ABRAXAS1: variants seen among roughly 807,000 people sequenced by gnomAD.
ABRAXAS1 encodes the protein BRCA1-A complex subunit Abraxas 1.
In ABRAXAS1, 26 loss-of-function variants were observed where a neutral mutation model predicts 38.4. That is an observed-to-expected ratio of 0.68 (90% CI 0.50 to 0.94). The LOEUF is 0.94. Ranked by LOEUF, ABRAXAS1 falls within the 40% of genes least tolerant of loss-of-function variation. The pLI, the probability that ABRAXAS1 is intolerant of heterozygous loss-of-function variation, is 0.00. For missense variants in ABRAXAS1, 438 were observed against 481.9 expected, an observed-to-expected ratio of 0.91 and a Z score of 0.85; for synonymous variants, 144 against 165.5, an observed-to-expected ratio of 0.87 and a Z score of 1.00.
chr4:83,459,890 G>A lies in ABRAXAS1; in HGVS notation c.*2579C>T. The stretch of plus-strand genomic sequence containing the variant: ...AAGAAAACTCAAATTTTCAAATTGT[G>A]CTATAAATTACTACTAGATCAGATA... On this transcript the variant is annotated 3_prime_UTR_variant, in exon 9 of 9. Transcript: ENST00000321945. The A allele has an allele frequency of 9.1e-7, 1 of 1,099,102 alleles. No individual in the cohort carries two copies. The allele number at this position is 1,099,102 out of a possible 1,614,324, so 68.1% of individuals were successfully genotyped here.
chr4:83,462,913 T>C lies in ABRAXAS1; in HGVS notation c.797-11A>G, dbSNP rs776370144. On this transcript the variant is annotated splice_polypyrimidine_tract_variant and intron_variant, in intron 8 of 8. Transcript: ENST00000321945. ...GGATGTTCTTCTCTCCTAAACAAAA[T>C]AGAATAACAGTTCAACATATAACAT... 5.9e-6 allele frequency: 9 copies of C among 1,516,072 alleles called. No homozygotes were observed. Among genetic ancestry groups the C allele is most frequent in the Middle Eastern group, 1.8e-4 (1 of 5,668 alleles). The allele number at this position is 1,516,072 out of a possible 1,614,324, so 93.9% of individuals were successfully genotyped here.
chr4:83,479,433 A>G (rs1722901673), intron 2 of ABRAXAS1: 1 of 145,978 alleles, frequency 6.9e-6, no homozygotes, highest in South Asian at 2.2e-4. Context: ...GAGTATGGGG[A>G]CCTAGGCACT....
intron 6 of ABRAXAS1, among the ~76,000 whole-genome samples, chr4:83,468,458 A>G (rs1400348802): frequency 6.6e-6 from 1 of 152,204 alleles, no homozygotes; most frequent in Non-Finnish European, 1.5e-5. Context: ...GGTATCCTAT[A>G]GTACCAGTGT....
rs780061956 is a variant in ABRAXAS1, at chr4:83,470,047, C to T, written c.476+156G>A. 6 of 520,396 alleles carry T rather than the reference C, an allele frequency of 1.2e-5. No homozygotes were observed. The South Asian group carries it at 1.7e-4, about 15-fold the overall frequency. The allele number at this position is 520,396 out of a possible 1,614,324, so 32.2% of individuals were successfully genotyped here. On this transcript the variant is annotated intron_variant, in intron 5 of 8. Coordinates refer to ENST00000321945, the MANE Select transcript of ABRAXAS1 (RefSeq NM_139076.3). ...TCCTTGTCTGACCATTATTTTCCCA[C>T]CTATAAATTAACAGATGGTAAGATC...
At chr4:83,479,110 A>G (rs1345370667) in intron 2 of ABRAXAS1, 1 of 152,210 alleles carries the variant, frequency 6.6e-6, no homozygotes. Context: ...TAGTGTTGGC[A>G]AGAGCATGGG....
Position 83,459,988 on chromosome 4 carries a change from C to T in ABRAXAS1, c.*2481G>A. ...AGGATTATTATTTTGCTGTCTTATGCAGAGTTAACTATATAGAAAAACTGG... is the reference window on the plus strand; with the variant it reads ...AGGATTATTATTTTGCTGTCTTATGTAGAGTTAACTATATAGAAAAACTGG... On this transcript the variant is annotated 3_prime_UTR_variant, in exon 9 of 9. Coordinates refer to ENST00000321945, the MANE Select transcript of ABRAXAS1 (RefSeq NM_139076.3). The T allele has an allele frequency of 4.3e-6, 2 of 469,788 alleles. No individual in the cohort carries two copies. Among genetic ancestry groups the T allele is most frequent in the Non-Finnish European group, 3.7e-6 (1 of 267,254 alleles). 29.1% of individuals were successfully genotyped at this position (469,788 alleles called of 1,614,324 possible).
In ABRAXAS1 at chr4:83,459,563, A is replaced by G. The variant is rs528960369; in HGVS notation, c.*2906T>C. ...ATTATATATAGACTTGACACACTGG[A>G]TAGAAAATATTTAAAAGGTAACAGG... On this transcript the variant is annotated 3_prime_UTR_variant, in exon 9 of 9. Transcript: ENST00000321945. 1.8e-6 allele frequency: 1 copy of G among 569,068 alleles called. No individual in the cohort carries two copies. The highest frequency in any genetic ancestry group is 3.4e-5 in the Admixed American group (1 of 29,600). 35.3% of individuals were successfully genotyped at this position (569,068 alleles called of 1,614,324 possible). A position where few individuals can be genotyped will look rare whatever the true frequency, so the allele number is the denominator to read the frequency against.
rs746621063 is a variant in ABRAXAS1 at position 83,462,463 on chromosome 4, A to G, written c.*6T>C. On this transcript the variant is annotated 3_prime_UTR_variant, in exon 9 of 9. Transcript: ENST00000321945. ...ATAAAAAAATCTCCTTGTAAGGTTAAAAGGATCAAAATGTAGGAGACCGTG... is the reference window on the plus strand; with the variant it reads ...ATAAAAAAATCTCCTTGTAAGGTTAGAAGGATCAAAATGTAGGAGACCGTG... 5 of 1,600,436 alleles carry G rather than the reference A, an allele frequency of 3.1e-6. No individual in the cohort carries two copies. The East Asian group carries it at 1.1e-4, about 36-fold the overall frequency.
At chr4:83,483,944 T>TAATA (rs1203846700) in intron 1 of ABRAXAS1, 7 of 781,726 alleles carry the variant, frequency 9.0e-6, no homozygotes, top group Non-Finnish European at 1.1e-5. Context: ...TGTTCTTTAT[T>TAATA]AGGTATTACT....
intron 3 of ABRAXAS1, among the ~76,000 whole-genome samples, chr4:83,473,767 C>G (rs1722667885): frequency 6.6e-6 from 1 of 151,828 alleles, no homozygotes; most frequent in South Asian, 2.1e-4. Context: ...CCACCCACCT[C>G]ACCTCCCAAA....
intron 7 of ABRAXAS1, chr4:83,466,814 G>C (rs1722379459): frequency 6.5e-6 from 1 of 152,696 alleles, no homozygotes; most frequent in Non-Finnish European, 1.5e-5. Context: ...TGGGATTACA[G>C]GCGTGAGCCA....
intron 4 of ABRAXAS1, among the ~76,000 whole-genome samples, chr4:83,471,742 T>C (rs911336681): frequency 2.6e-4 from 40 of 151,850 alleles, no homozygotes; most frequent in Non-Finnish European, 7.4e-5. Context: ...TGGTGGCGGG[T>C]GCCTATAATC....
intron 2 of ABRAXAS1, among the ~76,000 whole-genome samples, chr4:83,480,603 C>T (rs1383442561): frequency 2.6e-5 from 4 of 152,012 alleles, no homozygotes; most frequent in South Asian, 2.1e-4. Flanking sequence ...ATAATCTTTC[C>T]GGAAAGCAAT....
At chr4:83,476,795 T>A in intron 2 of ABRAXAS1, 116 bp from the exon 3 acceptor site, 2 of 639,996 alleles carry the variant, frequency 3.1e-6, no homozygotes. Flanking sequence ...ATTATCTGAT[T>A]TTTATCCTCA....
chr4:83,462,657 C>T lies in ABRAXAS1; in HGVS notation c.1042G>A (p.Ala348Thr), dbSNP rs12642536. Residue 348 changes from alanine to threonine, a missense_variant, in exon 9 of 9, where the codon GCC (alanine) becomes ACC (threonine). Ala to Thr is a moderately conservative substitution (Grantham distance 58, BLOSUM62 0). This residue lies in a region of ABRAXAS1 where 184 missense variants were observed against 181.9 expected (regional missense o/e 1.01). Transcript: ENST00000321945. ...TGCCATCTGTCATCTAAGTCTAAGG[C>T]TTTATGCTTAATGATTTGTGGTGTA... ...ASTPQIIKHK[A>T]LDLDDRWQFK... 0.41 allele frequency: 663,974 copies of T among 1,613,528 alleles called. 142,799 individuals carry two copies. The highest frequency in any genetic ancestry group is 0.64 in the East Asian group (28,905 of 44,836).
rs1328416920 is a variant in ABRAXAS1, at chr4:83,459,688, G to C, written c.*2781C>G. 6.6e-6 allele frequency: 10 copies of C among 1,513,060 alleles called. No homozygotes were observed. Among genetic ancestry groups the C allele is most frequent in the African/African-American group, 4.2e-5 (3 of 72,116 alleles). 93.7% of individuals were successfully genotyped at this position (1,513,060 alleles called of 1,614,324 possible). On this transcript the variant is annotated 3_prime_UTR_variant, in exon 9 of 9. Transcript: ENST00000321945. ...TTGTTTTTTGAAATTTACACATTCA[G>C]AAATAAATAACAGATACTTTTTTTT...
intron 3 of ABRAXAS1, among the ~76,000 whole-genome samples, chr4:83,474,662 C>T (rs1722702251): frequency 6.7e-6 from 1 of 148,784 alleles, no homozygotes; most frequent in Non-Finnish European, 1.5e-5. Flanking sequence ...TGCAGTGAGC[C>T]GAGATTGCGC....
intron 4 of ABRAXAS1, among the ~76,000 whole-genome samples, chr4:83,470,965 G>C (rs1722559773): frequency 1.3e-5 from 2 of 151,960 alleles, no homozygotes; most frequent in Non-Finnish European, 1.5e-5. Flanking sequence ...TTTTAACTTG[G>C]AAAATAATTC....
At position 83,469,316 on chromosome 4, in the gene ABRAXAS1, G is replaced by GTT. The variant is rs148107040; in HGVS notation, c.477-167_477-166dup. 0.043 allele frequency: 20,036 copies of GTT among 466,210 alleles called. 2,020 individuals are homozygous for GTT. Among genetic ancestry groups the GTT allele is most frequent in the African/African-American group, 0.3 (14,016 of 46,556 alleles). The allele number at this position is 466,210 out of a possible 1,614,324, so 28.9% of individuals were successfully genotyped here. On this transcript the variant is annotated intron_variant, in intron 5 of 8. Coordinates refer to ENST00000321945, the MANE Select transcript of ABRAXAS1 (RefSeq NM_139076.3). Reference sequence around the variant, plus strand: ...TAGAATTTACTGACTTGAAACAACTGTTTTTTTTTTTTTTTGAGACAGGGT... The same window carrying GTT: ...TAGAATTTACTGACTTGAAACAACTGTTTTTTTTTTTTTTTTTGAGACAGGGT...
Sources: allele counts gnomAD v4.1 joint callset (sites outside exome capture counted in the v4.1 genomes callset), GRCh38; gene constraint gnomAD v4.1.1; regional missense constraint gnomAD v4.1.1; transcripts MANE v1.5; gene names NCBI Gene and HGNC (gene_info 2026-07-23, HGNC 2026-07-21).